Variants in KIAA1328 observed in about 807,000 individuals in gnomAD.
The protein encoded by KIAA1328 is protein hinderin.
A neutral mutation model predicts 68.1 loss-of-function variants in KIAA1328; 52 were observed. That is an observed-to-expected ratio of 0.76 (90% CI 0.61 to 0.96). KIAA1328 has a LOEUF of 0.96. Ranked by LOEUF, KIAA1328 falls within the 40% of genes least tolerant of loss-of-function variation. The pLI, the probability that KIAA1328 is intolerant of heterozygous loss-of-function variation, is 0.00. For missense variants in KIAA1328, 641 were observed against 677.6 expected, an observed-to-expected ratio of 0.95 and a Z score of 0.60; for synonymous variants, 232 against 239.4, an observed-to-expected ratio of 0.97 and a Z score of 0.28.
chr18:36,904,884 G>A (rs551568728), intron 5 of KIAA1328, among the ~76,000 whole-genome samples: 13 of 151,776 alleles, frequency 8.6e-5, no homozygotes, highest in South Asian at 2.1e-4. Flanking sequence ...TCTGTATTTA[G>A]TGGTTGCTGT....
chr18:37,184,050 T>A (rs2059747274), intron 9 of KIAA1328, among the ~76,000 whole-genome samples: 1 of 152,246 alleles, frequency 6.6e-6, no homozygotes. Flanking sequence ...TGGCTCATAA[T>A]AGACATTAAA....
intron 5 of KIAA1328, among the ~76,000 whole-genome samples, chr18:36,910,255 G>A (rs1264180973): frequency 1.3e-5 from 2 of 152,040 alleles, no homozygotes; most frequent in African/African-American, 4.8e-5. Flanking sequence ...ATGGTTTTAG[G>A]TCTAACATTT....
chr18:36,977,818 C>G (rs1281599194), intron 6 of KIAA1328, among the ~76,000 whole-genome samples: 2 of 152,088 alleles, frequency 1.3e-5, no homozygotes, highest in African/African-American at 4.8e-5. Context: ...GAGTCTCACT[C>G]TGTCCCCCAG....
At chr18:37,105,049 A>G (rs1320484764) in intron 7 of KIAA1328, among the ~76,000 whole-genome samples, 1 of 152,206 alleles carries the variant, frequency 6.6e-6, no homozygotes, top group Non-Finnish European at 1.5e-5. Flanking sequence ...CTTTTCGCCT[A>G]AAGAATTGCT....
At chr18:36,979,359 T>G (rs887537881) in intron 6 of KIAA1328, among the ~76,000 whole-genome samples, 1 of 152,084 alleles carries the variant, frequency 6.6e-6, no homozygotes, top group Non-Finnish European at 1.5e-5. Flanking sequence ...AATTTAACCA[T>G]TAAATCTAGT....
chr18:36,980,722 A>G (rs1340218687), intron 6 of KIAA1328, among the ~76,000 whole-genome samples: 2 of 152,064 alleles, frequency 1.3e-5, no homozygotes, highest in African/African-American at 2.4e-5. Context: ...TATGGGAGGT[A>G]CCCGGTGGGA....
chr18:37,086,544 C>T, intron 7 of KIAA1328, among the ~76,000 whole-genome samples: 1 of 152,146 alleles, frequency 6.6e-6, no homozygotes, highest in Non-Finnish European at 1.5e-5. Flanking sequence ...ATGCTATCCT[C>T]TTTTTGGTTT....
chr18:36,989,734 G>A (rs564353010), intron 6 of KIAA1328, among the ~76,000 whole-genome samples: 2 of 151,696 alleles, frequency 1.3e-5, no homozygotes, highest in East Asian at 1.9e-4. Context: ...TAGCTCTGTC[G>A]CCCAGGCTGG....
chr18:37,065,050 A>C (rs934746863), intron 6 of KIAA1328, among the ~76,000 whole-genome samples: 1 of 152,246 alleles, frequency 6.6e-6, no homozygotes, highest in Non-Finnish European at 1.5e-5. Context: ...TGAAAAACTC[A>C]TATTTCTCTT....
At chr18:36,882,847 C>G (rs916873581) in intron 4 of KIAA1328, among the ~76,000 whole-genome samples, 2 of 152,086 alleles carry the variant, frequency 1.3e-5, no homozygotes, top group African/African-American at 4.8e-5. Flanking sequence ...AACCTGTGAT[C>G]TGCTTTTCTG....
At chr18:37,182,634 A>G (rs1380091423) in intron 9 of KIAA1328, among the ~76,000 whole-genome samples, 1 of 152,100 alleles carries the variant, frequency 6.6e-6, no homozygotes, top group African/African-American at 2.4e-5. Context: ...ATTCCAAACT[A>G]TAAGTGTATC....
chr18:37,074,860 G>C (rs978215212), intron 7 of KIAA1328: 2 of 152,244 alleles, frequency 1.3e-5, no homozygotes, highest in Non-Finnish European at 2.9e-5. Flanking sequence ...GAGGAGGAGA[G>C]GTGCTCTGCT....
intron 7 of KIAA1328, among the ~76,000 whole-genome samples, chr18:37,079,795 G>A (rs575450372): frequency 2.3e-4 from 35 of 151,812 alleles, no homozygotes; most frequent in African/African-American, 7.5e-4. Context: ...GCTTAGGCAC[G>A]GGAATCGCTT....
intron 6 of KIAA1328, among the ~76,000 whole-genome samples, chr18:37,062,110 T>C (rs2056170278): frequency 6.6e-6 from 1 of 152,228 alleles, no homozygotes; most frequent in African/African-American, 2.4e-5. Flanking sequence ...TAGAGTGATA[T>C]CTTTTGTATG....
At chr18:37,086,750 T>C (rs370378619) in intron 7 of KIAA1328, among the ~76,000 whole-genome samples, 159 of 152,370 alleles carry the variant, frequency 1.0e-3, no homozygotes, top group African/African-American at 3.2e-3. Context: ...TATTACCTTC[T>C]AGTTTCTAGT....
intron 7 of KIAA1328, among the ~76,000 whole-genome samples, chr18:37,096,540 G>C (rs1376161164): frequency 6.6e-6 from 1 of 152,184 alleles, no homozygotes; most frequent in African/African-American, 2.4e-5. Flanking sequence ...ATAAACATAT[G>C]TGTGCATGTG....
chr18:36,976,794 A>T (rs578213326), intron 6 of KIAA1328, among the ~76,000 whole-genome samples: 1 of 152,318 alleles, frequency 6.6e-6, no homozygotes, highest in East Asian at 1.9e-4. Flanking sequence ...GCTAAATCTT[A>T]AGAATGCTGA....
intron 6 of KIAA1328, among the ~76,000 whole-genome samples, chr18:37,061,193 C>G (rs1407349137): frequency 6.6e-6 from 1 of 152,080 alleles, no homozygotes; most frequent in Non-Finnish European, 1.5e-5. Context: ...ATAGAAGAAG[C>G]TAAAAAATTA....
intron 6 of KIAA1328, among the ~76,000 whole-genome samples, chr18:36,964,994 G>A (rs192076766): frequency 2.9e-4 from 44 of 151,388 alleles, no homozygotes; most frequent in African/African-American, 8.7e-4. Flanking sequence ...AAAAGTTGTC[G>A]TATTTCCTCA....
Sources: allele counts gnomAD v4.1 joint callset (sites outside exome capture counted in the v4.1 genomes callset), GRCh38; gene constraint gnomAD v4.1.1; transcripts MANE v1.5; gene names NCBI Gene and HGNC (gene_info 2026-07-23, HGNC 2026-07-21).